CCDC171: variants seen among roughly 807,000 people sequenced by gnomAD.
CCDC171 encodes coiled-coil domain containing 171.
In CCDC171, 177 loss-of-function variants were observed where a neutral mutation model predicts 168.2. The ratio of observed to expected loss-of-function variants is 1.05; its 90% confidence interval spans 0.93 to 1.19. The LOEUF is 1.19. CCDC171 is among the 50% of genes most tolerant of loss of function. CCDC171 has a pLI of 0.00. For synonymous variants in CCDC171, 687 were observed against 540.8 expected (o/e 1.27, Z -3.75); for missense variants, 1,991 against 1,539.0 (o/e 1.29, Z -4.91).
intron 25 of CCDC171, among the ~76,000 whole-genome samples, chr9:15,953,945 ATTCAATTTGTCGG>A (rs1829490891): frequency 6.6e-6 from 1 of 151,974 alleles, no homozygotes. Context: ...CATCGAGGGC[ATTCAATTTGTCGG>A]TACAATTGTT....
chr9:15,723,770 CT>C, intron 13 of CCDC171, 24 bp downstream of exon 13: 1 of 1,180,960 alleles, frequency 8.5e-7, no homozygotes, highest in South Asian at 1.4e-5. Context: ...TAACTTTTAC[CT>C]TTTGTATTAA....
intron 7 of CCDC171, among the ~76,000 whole-genome samples, chr9:15,637,901 G>A (rs2046322764): frequency 6.6e-6 from 1 of 151,936 alleles, no homozygotes; most frequent in Admixed American, 6.6e-5. Flanking sequence ...CCAAGTCTTT[G>A]CTATTGTGAA....
At position 15,591,345 on chromosome 9, in the gene CCDC171, C is replaced by T. The variant is rs138368090; in HGVS notation, c.353-21C>T. The T allele has an allele frequency of 4.8e-6, 7 of 1,460,472 alleles. No individual in the cohort carries two copies. In the African/African-American group the frequency reaches 7.1e-5, roughly 15 times the overall value. 90.5% of individuals were successfully genotyped at this position (1,460,472 alleles called of 1,614,324 possible). A position where few individuals can be genotyped will look rare whatever the true frequency, so the allele number is the denominator to read the frequency against. ...ATTTAATTCATGGTTGTAAATGTACCTATTATTCTATTCTTAATAGCACAG... is the reference window on the plus strand; with the variant it reads ...ATTTAATTCATGGTTGTAAATGTACTTATTATTCTATTCTTAATAGCACAG... On this transcript the variant is annotated intron_variant, in intron 4 of 25. Transcript: ENST00000380701.
chr9:15,688,922 C>T (rs1468391979), intron 10 of CCDC171, among the ~76,000 whole-genome samples: 2 of 152,122 alleles, frequency 1.3e-5, no homozygotes, highest in African/African-American at 2.4e-5. Flanking sequence ...TATCTATTTG[C>T]AGTTGACATA....
chr9:15,902,273 T>C (rs1278799933), intron 24 of CCDC171, among the ~76,000 whole-genome samples: 1,113 of 86,916 alleles, frequency 0.013, 21 homozygotes, highest in African/African-American at 0.036. Context: ...TATATATATA[T>C]ATATATATAC....
chr9:15,943,977 C>A (rs761608214), intron 25 of CCDC171, among the ~76,000 whole-genome samples: 3 of 151,986 alleles, frequency 2.0e-5, no homozygotes, highest in Non-Finnish European at 4.4e-5. Flanking sequence ...GCAGGGAGAA[C>A]TATGTGAACC....
intron 24 of CCDC171, among the ~76,000 whole-genome samples, chr9:15,902,922 G>A (rs548447084): frequency 6.6e-6 from 1 of 152,186 alleles, no homozygotes; most frequent in Non-Finnish European, 1.5e-5. Flanking sequence ...CACCCACGGA[G>A]CCTCACTCAT....
At chr9:15,690,748 A>G (rs1405711309) in intron 10 of CCDC171, among the ~76,000 whole-genome samples, 1 of 152,194 alleles carries the variant, frequency 6.6e-6, no homozygotes, top group Non-Finnish European at 1.5e-5. Context: ...GCAACATGTA[A>G]CAAAAAGAGA....
chr9:15,697,064 G>T (rs1298444671), intron 11 of CCDC171, among the ~76,000 whole-genome samples: 1 of 152,156 alleles, frequency 6.6e-6, no homozygotes, highest in African/African-American at 2.4e-5. Context: ...GCCTTCTGTG[G>T]ATCTGGGCTC....
At chr9:15,942,275 T>C (rs1827816821) in intron 25 of CCDC171, among the ~76,000 whole-genome samples, 1 of 152,006 alleles carries the variant, frequency 6.6e-6, no homozygotes, top group Non-Finnish European at 1.5e-5. Context: ...CCAAATTATG[T>C]GGATCAAGTT....
chr9:15,607,040 G>A (rs938869856), intron 6 of CCDC171, among the ~76,000 whole-genome samples: 3 of 152,164 alleles, frequency 2.0e-5, no homozygotes, highest in Non-Finnish European at 4.4e-5. Flanking sequence ...AGGTATTTTT[G>A]TAGTTTTTTT....
chr9:15,590,314 G>A (rs971223522), intron 4 of CCDC171, among the ~76,000 whole-genome samples: 2 of 152,196 alleles, frequency 1.3e-5, no homozygotes, highest in Non-Finnish European at 2.9e-5. Flanking sequence ...TAGAAATACT[G>A]CTAATATAGC....
chr9:15,754,590 T>A (rs527577467), intron 18 of CCDC171, among the ~76,000 whole-genome samples: 5 of 152,126 alleles, frequency 3.3e-5, no homozygotes, highest in African/African-American at 7.2e-5. Flanking sequence ...ATCCTAAAAT[T>A]GCTAAGCTGC....
intron 6 of CCDC171, among the ~76,000 whole-genome samples, chr9:15,607,513 G>T (rs1270999930): frequency 1.3e-5 from 2 of 151,872 alleles, no homozygotes; most frequent in Non-Finnish European, 2.9e-5. Flanking sequence ...CCAGGCTGGA[G>T]TGCAGTGGCG....
At chr9:16,055,475 C>T (rs999252099) in intron 1 of CCDC171, among the ~76,000 whole-genome samples, 1 of 152,116 alleles carries the variant, frequency 6.6e-6, no homozygotes, top group Non-Finnish European at 1.5e-5. Context: ...TGAGGGAGGG[C>T]TCTGGAAGCT....
chr9:15,618,413 G>T (rs1231198851), intron 6 of CCDC171, among the ~76,000 whole-genome samples: 1 of 152,186 alleles, frequency 6.6e-6, no homozygotes. Context: ...CTGCTGTGCT[G>T]GCAGTGAGAA....
chr9:15,908,350 T>G (rs1345735501), intron 24 of CCDC171, among the ~76,000 whole-genome samples: 7 of 152,232 alleles, frequency 4.6e-5, no homozygotes, highest in Non-Finnish European at 7.4e-5. Flanking sequence ...TTCATGTCCT[T>G]TGTAGGGACA....
At chr9:15,888,342 A>T (rs1210117899) in intron 24 of CCDC171, among the ~76,000 whole-genome samples, 1 of 152,180 alleles carries the variant, frequency 6.6e-6, no homozygotes, top group African/African-American at 2.4e-5. Flanking sequence ...TCAAAAAAAT[A>T]AAATGTTCAA....
intron 10 of CCDC171, among the ~76,000 whole-genome samples, chr9:15,691,964 G>T (rs2050832546): frequency 6.6e-6 from 1 of 152,098 alleles, no homozygotes; most frequent in Admixed American, 6.5e-5. Flanking sequence ...GTGAGCCATT[G>T]CACCCAGCCT....
Sources: allele counts gnomAD v4.1 joint callset (sites outside exome capture counted in the v4.1 genomes callset), GRCh38; gene constraint gnomAD v4.1.1; transcripts MANE v1.5; gene names NCBI Gene and HGNC (gene_info 2026-07-23, HGNC 2026-07-21).